Variants in DNHD1 observed in about 807,000 individuals in gnomAD.
DNHD1 encodes dynein heavy chain domain 1.
DNHD1 carries 383 observed loss-of-function variants against 458.1 expected under a neutral mutation model. The observed-to-expected ratio is 0.84, with a 90% CI of 0.77 to 0.91. The LOEUF (loss-of-function observed/expected upper bound fraction) is 0.91, where lower values mean the gene tolerates loss of function less well. DNHD1 is among the 40% of genes least tolerant of loss of function. The pLI, the probability that DNHD1 is intolerant of heterozygous loss-of-function variation, is 0.00. For missense variants in DNHD1, 5,336 were observed against 5,866.1 expected (o/e 0.91, Z 2.95); for synonymous variants, 2,203 against 2,376.9 (o/e 0.93, Z 2.13).
chr11:6,565,667 A>T, intron 32 of DNHD1, 28 bp from the exon 33 acceptor site: 4 of 1,519,430 alleles, frequency 2.6e-6, no homozygotes, highest in Non-Finnish European at 3.5e-6. Context: ...TCCCCTAAGA[A>T]GAGCTCCTCT....
chr11:6,517,973 G>C (rs1852520581), intron 7 of DNHD1, among the ~76,000 whole-genome samples: 2 of 152,068 alleles, frequency 1.3e-5, no homozygotes, highest in African/African-American at 4.8e-5. Flanking sequence ...TCTGTGGATG[G>C]AAAATTTTCT....
At chr11:6,508,192 C>T (rs1381124597) in intron 4 of DNHD1, 2 of 152,084 alleles carry the variant, frequency 1.3e-5, no homozygotes, top group East Asian at 1.9e-4. Flanking sequence ...ACTAGATACA[C>T]CTATTATATC....
rs755724997 is a variant in DNHD1 at position 6,505,544 on chromosome 11, C to T, written c.920+2618C>T. ...CTGGGATTACAGGCGTGAGTCACCGCGCCTGGCCTCGACATCTTTTTAAAA... is the reference window on the plus strand; with the variant it reads ...CTGGGATTACAGGCGTGAGTCACCGTGCCTGGCCTCGACATCTTTTTAAAA... On this transcript the variant is annotated intron_variant, in intron 4 of 42. Transcript: ENST00000254579. The surrounding 1 kb of genome is among the most constrained non-coding windows in gnomAD (Gnocchi z 4.4). Among the ~76,000 whole-genome samples the T allele has an allele frequency of 3.9e-5, 6 of 152,144 alleles. No homozygotes were observed. Among genetic ancestry groups the T allele is most frequent in the Non-Finnish European group, 7.4e-5 (5 of 68,018 alleles).
At chr11:6,539,155 T>C in intron 16 of DNHD1, 64 bp from the exon 17 acceptor site, 2 of 1,152,270 alleles carry the variant, frequency 1.7e-6, no homozygotes, top group South Asian at 2.7e-5. Context: ...CTCTGGGATA[T>C]GGGATATGGG....
intron 18 of DNHD1, 74 bp downstream of exon 18, chr11:6,540,157 C>A (rs1853068946): frequency 7.7e-7 from 1 of 1,306,542 alleles, no homozygotes; most frequent in Non-Finnish European, 1.1e-6. Flanking sequence ...TCCATCAAGG[C>A]CTGCCAGATC....
rs1380144698 is a variant in DNHD1 at position 6,538,729 on chromosome 11, G to A, written c.3244G>A (p.Glu1082Lys). The A allele has an allele frequency of 3.2e-6, 5 of 1,549,456 alleles. No individual in the cohort carries two copies. The highest frequency in any genetic ancestry group is 4.4e-6 in the Non-Finnish European group (5 of 1,145,678). ...VLQHCMRILG[E>K]FRSYLPLLTK... ...GCAGCACTGCATGCGCATCCTGGGGGAGTTTCGCAGCTACCTGCCCCTGCT... is the reference window on the plus strand; with the variant it reads ...GCAGCACTGCATGCGCATCCTGGGGAAGTTTCGCAGCTACCTGCCCCTGCT... The change falls in exon 16 of 43, where the codon GAG (glutamate) becomes AAG (lysine). Residue 1082 changes from glutamate to lysine, a missense_variant. This residue lies in a region of DNHD1 where 3,932 missense variants were observed against 4,365.6 expected (regional missense o/e 0.90). Transcript: ENST00000254579.
At chr11:6,500,946 C>T (rs1415356609) in intron 3 of DNHD1, among the ~76,000 whole-genome samples, 1 of 151,374 alleles carries the variant, frequency 6.6e-6, no homozygotes, top group Non-Finnish European at 1.5e-5. Flanking sequence ...GGCTGCTTCT[C>T]TGCAGGTGGG....
Position 6,567,313 on chromosome 11 carries a change from G to A in DNHD1, c.11804G>A (p.Gly3935Asp). Reference protein sequence around the residue: ...ALGLTQVPLVGALGALALLQA... With the variant: ...ALGLTQVPLVDALGALALLQA... ...GGCCTTACCCAAGTACCCTTGGTGG[G>A]TGCATTGGGCGCTTTGGCTCTGCTG... The change falls in exon 36 of 43, where the codon GGT (glycine) becomes GAT (aspartate). Residue 3935 changes from glycine (G) to aspartate (D), a missense_variant. By Grantham distance (94) the Gly-to-Asp change is moderately conservative. Around this residue, in one of 4 missense-constraint regions of DNHD1, gnomAD observed 695 missense variants for 804.2 expected, o/e 0.86. Coordinates refer to ENST00000254579, the MANE Select transcript of DNHD1 (RefSeq NM_144666.3). The A allele has an allele frequency of 6.2e-7, 1 of 1,614,094 alleles. No individual in the cohort carries two copies. The highest frequency in any genetic ancestry group is 2.2e-5 in the East Asian group (1 of 44,888).
At chr11:6,533,637 C>T (rs774442167) in intron 13 of DNHD1, 44 bp from the exon 14 acceptor site, 1 of 1,512,456 alleles carries the variant, frequency 6.6e-7, no homozygotes. Context: ...CAAAGAGGTA[C>T]ATGGGGTTGT....
chr11:6,557,297 T>C lies in DNHD1; in HGVS notation c.8002T>C (p.Cys2668Arg), dbSNP rs1459696396. Residue 2668 changes from cysteine to arginine, a missense_variant, in exon 25 of 43, where the codon TGT (cysteine) becomes CGT (arginine). Cys to Arg is a radical substitution (Grantham distance 180). This residue lies in a region of DNHD1 where 3,932 missense variants were observed against 4,365.6 expected (regional missense o/e 0.90). Transcript: ENST00000254579. ...GGACAGCCCCAGGGAACGCTCCTAC[T>C]GTGCCAAGCTGCTCCTAGTAGTAGC... ...RLDSPRERSY[C>R]AKLLLVVAQS... is the part of the protein sequence containing the mutation. 3.2e-6 allele frequency: 5 copies of C among 1,551,626 alleles called. No homozygotes were observed. Among genetic ancestry groups the C allele is most frequent in the Non-Finnish European group, 4.4e-6 (5 of 1,147,000 alleles).
At chr11:6,540,128 G>C (rs973566221) in intron 18 of DNHD1, 45 bp downstream of exon 18, 7 of 1,514,592 alleles carry the variant, frequency 4.6e-6, no homozygotes, top group Non-Finnish European at 6.3e-6. Flanking sequence ...CCTGCTGGGG[G>C]CCATTTTCAT....
At position 6,545,837 on chromosome 11, in the gene DNHD1, T is replaced by C. The variant is rs1314101677; in HGVS notation, c.4898T>C (p.Leu1633Pro). Reference sequence around the variant, plus strand: ...ACTATTGCATCTTCTGAACCCTCTCTGTCACCAGCGGCATGCTGGATAGAT... The same window carrying C: ...ACTATTGCATCTTCTGAACCCTCTCCGTCACCAGCGGCATGCTGGATAGAT... The part of the protein sequence containing the change: ...LKTIASSEPS[L>P]SPAACWIDVL... The change falls in exon 21 of 43, where the codon CTG becomes CCG. Residue 1633 changes from leucine to proline, a missense_variant. Physicochemically the swap from Leu to Pro is moderately conservative, Grantham distance 98. This residue lies in a region of DNHD1 where 3,932 missense variants were observed against 4,365.6 expected (regional missense o/e 0.90). Coordinates refer to ENST00000254579, the MANE Select transcript of DNHD1 (RefSeq NM_144666.3). This position sits in a 1 kb window ranked among gnomAD's most constrained non-coding sequence, Gnocchi z 4.9. The C allele has an allele frequency of 6.1e-5, 95 of 1,551,786 alleles. No individual in the cohort carries two copies. Among genetic ancestry groups the C allele is most frequent in the Non-Finnish European group, 7.9e-5 (91 of 1,147,026 alleles).
In DNHD1 at chr11:6,534,024, G is replaced by C. The variant is rs758518205; in HGVS notation, c.2849G>C (p.Gly950Ala). The change falls in exon 14 of 43, where the codon GGC becomes GCC. Residue 950 changes from glycine to alanine, a missense_variant. This residue lies in a region of DNHD1 where 3,932 missense variants were observed against 4,365.6 expected (regional missense o/e 0.90). Coordinates refer to ENST00000254579, the MANE Select transcript of DNHD1 (RefSeq NM_144666.3). ...GCAGCAGCATTGGCAGAGCTGGAAGGCCTGCTTGCGAAGGCCCTCTCCGGT... is the reference window on the plus strand; with the variant it reads ...GCAGCAGCATTGGCAGAGCTGGAAGCCCTGCTTGCGAAGGCCCTCTCCGGT... ...LMAAALAELE[G>A]LLAKALSGPF... 236 of 1,551,462 alleles carry C rather than the reference G, an allele frequency of 1.5e-4. No homozygotes were observed. The highest frequency in any genetic ancestry group is 1.9e-4 in the Non-Finnish European group (221 of 1,146,972).
intron 28 of DNHD1, among the ~76,000 whole-genome samples, chr11:6,559,837 A>C (rs2134449239): frequency 6.6e-6 from 1 of 152,242 alleles, no homozygotes; most frequent in African/African-American, 2.4e-5. Flanking sequence ...ACCCTCCTCT[A>C]CCAGGCATTT....
chr11:6,558,207 C>T lies in DNHD1; in HGVS notation c.8912C>T (p.Thr2971Ile), dbSNP rs748289314. 1.2e-5 allele frequency: 18 copies of T among 1,551,624 alleles called. No homozygotes were observed. The highest frequency in any genetic ancestry group is 1.7e-4 in the Middle Eastern group (1 of 6,010). ...TCAGGCAGTTTCCCTGGCCAGTACA[C>T]AGAAGCAGATTTGGACCGCATTGGA... Reference protein sequence around the residue: ...ATSGSFPGQYTEADLDRIGEH... With the variant: ...ATSGSFPGQYIEADLDRIGEH... The change falls in exon 25 of 43, where the codon ACA becomes ATA. Residue 2971 changes from threonine (T) to isoleucine (I), a missense_variant. Thr to Ile is a moderately conservative substitution (Grantham distance 89). This residue lies in a region of DNHD1 where 3,932 missense variants were observed against 4,365.6 expected (regional missense o/e 0.90). Coordinates refer to ENST00000254579, the MANE Select transcript of DNHD1 (RefSeq NM_144666.3).
rs778180861 is a variant in DNHD1, at chr11:6,567,429, T to A, written c.11920T>A (p.Ser3974Thr). ...SPSTVHSKPV[S>T]DVARPAWLGP... The stretch of plus-strand genomic sequence containing the variant: ...CAGCACAGTCCACAGCAAGCCAGTC[T>A]CAGATGTGGCTCGACCGGCCTGGCT... Residue 3974 changes from serine (S) to threonine (T), a missense_variant, in exon 36 of 43, where the codon TCA becomes ACA. By Grantham distance (58) the Ser-to-Thr change is moderately conservative (BLOSUM62 1). Coordinates refer to ENST00000254579, the MANE Select transcript of DNHD1 (RefSeq NM_144666.3). 1 of 1,613,622 alleles carries A rather than the reference T, an allele frequency of 6.2e-7. No homozygotes were observed. Among genetic ancestry groups the A allele is most frequent in the Non-Finnish European group, 8.5e-7 (1 of 1,179,678 alleles).
intron 24 of DNHD1, among the ~76,000 whole-genome samples, chr11:6,551,704 A>G (rs1853348486): frequency 6.6e-6 from 1 of 152,168 alleles, no homozygotes; most frequent in South Asian, 2.1e-4. Flanking sequence ...GCACTTTGGG[A>G]GGCCAAGGAG....
Position 6,571,058 on chromosome 11 carries a change from T to G in DNHD1, c.13546T>G (p.Cys4516Gly). ...LLQQLKGAPPCPSRRCAAVAH... is the reference protein window; with the variant it reads ...LLQQLKGAPPGPSRRCAAVAH... ...GCAGCAGCTGAAGGGCGCACCCCCG[T>G]GCCCCTCCCGCCGCTGTGCTGCGGT... is the stretch of plus-strand genomic sequence containing the variant. The change falls in exon 42 of 43, where the codon TGC becomes GGC. Residue 4516 changes from cysteine to glycine, a missense_variant. By Grantham distance (159) the Cys-to-Gly change is radical. Coordinates refer to ENST00000254579, the MANE Select transcript of DNHD1 (RefSeq NM_144666.3). This position sits in a 1 kb window ranked among gnomAD's most constrained non-coding sequence, Gnocchi z 5.0. The G allele has an allele frequency of 6.3e-7, 1 of 1,578,206 alleles. No homozygotes were observed. The highest frequency in any genetic ancestry group is 8.6e-7 in the Non-Finnish European group (1 of 1,161,096).
Position 6,556,796 on chromosome 11 carries a change from C to T in DNHD1, c.7501C>T (p.Leu2501Phe). Residue 2501 changes from leucine to phenylalanine, a missense_variant, in exon 25 of 43, where the codon CTT becomes TTT. Around this residue, in one of 4 missense-constraint regions of DNHD1, gnomAD observed 3,932 missense variants for 4,365.6 expected, o/e 0.90. Coordinates refer to ENST00000254579, the MANE Select transcript of DNHD1 (RefSeq NM_144666.3). The stretch of plus-strand genomic sequence containing the variant: ...GACGCTGCAGCCTACAGTCAACTTC[C>T]TTGCCACTGTCACAGTGCCAGGATA... Reference protein sequence around the residue: ...LQTLQPTVNFLATVTVPGYCE... With the variant: ...LQTLQPTVNFFATVTVPGYCE... The T allele has an allele frequency of 6.4e-7, 1 of 1,551,676 alleles. No homozygotes were observed. Among genetic ancestry groups the T allele is most frequent in the South Asian group, 1.2e-5 (1 of 84,060 alleles).
Sources: gnomAD v4.1 joint callset for allele counts (sites outside exome capture counted in the v4.1 genomes callset) on GRCh38, gnomAD v4.1.1 for gene constraint, gnomAD v4.1.1 regional missense constraint, Gnocchi (gnomAD v3.1) non-coding constraint, MANE v1.5 for transcripts, NCBI Gene and HGNC (gene_info 2026-07-23, HGNC 2026-07-21) for gene names.